The following TRIOBP variants were observed in gnomAD, a reference collection of about 807,000 sequenced individuals.
TRIOBP encodes TRIO and F-actin binding protein, also known as TRIO and F-actin-binding protein.
Under a neutral mutation model 238.8 loss-of-function variants are expected in TRIOBP, and 169 were observed. The observed-to-expected ratio is 0.71, with a 90% CI of 0.62 to 0.80. The LOEUF (loss-of-function observed/expected upper bound fraction) is 0.80, where lower values mean the gene tolerates loss of function less well. TRIOBP is among the 30% of genes least tolerant of loss of function. The probability of loss-of-function intolerance (pLI) is 0.00; values close to 1 mark genes in which losing one functional copy is unlikely to be tolerated. For synonymous variants in TRIOBP, 1,150 were observed against 1,274.4 expected (o/e 0.90, Z 2.08); for missense variants, 2,838 against 3,122.6 (o/e 0.91, Z 2.17).
At chr22:37,738,446 A>G (rs751018387) in intron 9 of TRIOBP, among the ~76,000 whole-genome samples, 196 bp from the exon 10 acceptor site, 6 of 152,126 alleles carry the variant, frequency 3.9e-5, no homozygotes, top group Non-Finnish European at 8.8e-5. Flanking sequence ...TGGGTGATAG[A>G]CAATGGATGA....
chr22:37,758,693 AAG>A (rs1926080150), intron 16 of TRIOBP, among the ~76,000 whole-genome samples: 1 of 74,542 alleles, frequency 1.3e-5, no homozygotes, highest in Non-Finnish European at 2.2e-5. Flanking sequence ...AAAAAAAAAA[AAG>A]AAGAAGAAGA....
At chr22:37,772,469 C>G (rs1409728947) in intron 22 of TRIOBP, 132 bp from the exon 23 acceptor site, 1 of 1,309,950 alleles carries the variant, frequency 7.6e-7, no homozygotes, top group Non-Finnish European at 1.1e-6. Context: ...CCACGGCCAT[C>G]TTGGGGAGCC....
At chr22:37,732,509 C>A (rs1304326794) in intron 7 of TRIOBP, among the ~76,000 whole-genome samples, 357 of 99,832 alleles carry the variant, frequency 3.6e-3, no homozygotes, top group Admixed American at 4.3e-3. Context: ...GACTCCATCT[C>A]AAAAAAAAAA....
chr22:37,719,780 G>A (rs1044823410), intron 6 of TRIOBP, among the ~76,000 whole-genome samples: 4 of 151,844 alleles, frequency 2.6e-5, no homozygotes, highest in Admixed American at 6.6e-5. Flanking sequence ...TTAAATATCT[G>A]ATGCCCCACA....
intron 12 of TRIOBP, among the ~76,000 whole-genome samples, chr22:37,752,471 G>A (rs1260258080): frequency 6.6e-6 from 1 of 152,140 alleles, no homozygotes; most frequent in African/African-American, 2.4e-5. Flanking sequence ...CTGTTCTTTC[G>A]GCTGCCAGGC....
chr22:37,710,771 T>G (rs964496224), intron 4 of TRIOBP, among the ~76,000 whole-genome samples: 8 of 152,272 alleles, frequency 5.3e-5, no homozygotes, highest in African/African-American at 1.7e-4. Context: ...CCACCCTGTT[T>G]GCACTTCAGT....
At chr22:37,767,534 G>A (rs2145880198) in intron 18 of TRIOBP, among the ~76,000 whole-genome samples, 1 of 152,318 alleles carries the variant, frequency 6.6e-6, no homozygotes, top group Admixed American at 6.5e-5. Flanking sequence ...ATAACCCCAT[G>A]GAGGAAAGGT....
rs760320944 is a variant in TRIOBP, at chr22:37,726,453, C to T, written c.3897C>T (p.Thr1299=). 1.3e-6 allele frequency: 2 copies of T among 1,570,406 alleles called. No homozygotes were observed. The highest frequency in any genetic ancestry group is 8.6e-7 in the Non-Finnish European group (1 of 1,162,248). Residue 1299 remains threonine (T), a synonymous_variant, in exon 7 of 24, where the codon ACC becomes ACT. Coordinates refer to ENST00000644935, the MANE Select transcript of TRIOBP (RefSeq NM_001039141.3). ...CGCAGTGCAGCAGCGGGGGCCGCAC[C>T]CACAGCCCTGGCCGTGCAGAGGTGG... ...PQAQCSSGGR[T]HSPGRAEVER... is the part of the protein sequence containing the mutation.
In TRIOBP at chr22:37,723,690, C is replaced by T. The variant is rs753222889; in HGVS notation, c.1134C>T (p.Pro378=). 1 of 1,613,820 alleles carries T rather than the reference C, an allele frequency of 6.2e-7. No homozygotes were observed. Among genetic ancestry groups the T allele is most frequent in the East Asian group, 2.2e-5 (1 of 44,840 alleles). The part of the protein sequence containing the change: ...FPTCTPQREN[P]RTPCVQQDDP... Reference sequence around the variant, plus strand: ...CTTGTACTCCCCAGCGGGAAAACCCCAGGACACCCTGTGTCCAGCAGGACG... The same window carrying T: ...CTTGTACTCCCCAGCGGGAAAACCCTAGGACACCCTGTGTCCAGCAGGACG... The change falls in exon 7 of 24, where the codon CCC becomes CCT. Residue 378 remains proline, a synonymous_variant. Coordinates refer to ENST00000644935, the MANE Select transcript of TRIOBP (RefSeq NM_001039141.3).
In TRIOBP at chr22:37,713,273, C is replaced by A; in HGVS notation, c.318C>A (p.Ser106Arg). Reference sequence around the variant, plus strand: ...CCACAGCTGCCCCCAGGAGCAGGAGCCGGGAGCTTGAGGCAGTACCCTATC... The same window carrying A: ...CCACAGCTGCCCCCAGGAGCAGGAGACGGGAGCTTGAGGCAGTACCCTATC... Reference protein sequence around the residue: ...EGPTAAPRSRSRELEAVPYLE... With the variant: ...EGPTAAPRSRRRELEAVPYLE... Residue 106 changes from serine (S) to arginine (R), a missense_variant, in exon 5 of 24, where the codon AGC (serine) becomes AGA (arginine). This residue lies in a region of TRIOBP where 535 missense variants were observed against 537.3 expected (regional missense o/e 1.00). Transcript: ENST00000644935. The A allele has an allele frequency of 6.2e-7, 1 of 1,613,916 alleles. No individual in the cohort carries two copies. The highest frequency in any genetic ancestry group is 1.1e-5 in the South Asian group (1 of 91,092).
intron 7 of TRIOBP, among the ~76,000 whole-genome samples, chr22:37,726,980 C>T (rs1393610556): frequency 6.6e-6 from 1 of 151,352 alleles, no homozygotes; most frequent in Non-Finnish European, 1.5e-5. Context: ...AATCTCGGCT[C>T]ACTGCAACCT....
chr22:37,766,237 C>A (rs1054961908), intron 18 of TRIOBP, among the ~76,000 whole-genome samples: 6 of 152,372 alleles, frequency 3.9e-5, no homozygotes, highest in African/African-American at 1.2e-4. Flanking sequence ...ATTGTCCATG[C>A]CAGCTGTGTG....
intron 3 of TRIOBP, among the ~76,000 whole-genome samples, 153 bp from the exon 4 acceptor site, chr22:37,710,274 G>A (rs1258772502): frequency 6.6e-6 from 1 of 152,214 alleles, no homozygotes; most frequent in Non-Finnish European, 1.5e-5. Context: ...GAGTCCCAAG[G>A]GGTGCTTCTA....
chr22:37,700,163 C>T (rs1458087530), intron 2 of TRIOBP, among the ~76,000 whole-genome samples: 1 of 152,168 alleles, frequency 6.6e-6, no homozygotes, highest in African/African-American at 2.4e-5. Context: ...AGGCGTGAGC[C>T]ACCGCCCTCG....
At chr22:37,749,430 C>T (rs897362471) in intron 11 of TRIOBP, among the ~76,000 whole-genome samples, 24 of 152,026 alleles carry the variant, frequency 1.6e-4, no homozygotes, top group African/African-American at 2.2e-4. Context: ...GAGTGAGTCC[C>T]GCCAGCCCGA....
Position 37,774,175 on chromosome 22 carries a change from T to TC in TRIOBP, c.*400dup, listed in dbSNP as rs1273370063. On this transcript the variant is annotated 3_prime_UTR_variant, in exon 24 of 24. Coordinates refer to ENST00000644935, the MANE Select transcript of TRIOBP (RefSeq NM_001039141.3). ...GGTGGCTGTGTGCCTCCAACCCTGG[T>TC]CCCCCTCTGTCTCCAGCCACCCTCT... 1 of 149,276 alleles carries TC rather than the reference T, an allele frequency of 6.7e-6. No homozygotes were observed. Among genetic ancestry groups the TC allele is most frequent in the Non-Finnish European group, 1.5e-5 (1 of 67,524 alleles). 9.2% of individuals were successfully genotyped at this position (149,276 alleles called of 1,614,324 possible).
At chr22:37,742,309 CTG>C (rs1220975448) in intron 11 of TRIOBP, among the ~76,000 whole-genome samples, 1 of 146,872 alleles carries the variant, frequency 6.8e-6, no homozygotes, top group Non-Finnish European at 1.5e-5. Context: ...TACCCCCAGA[CTG>C]GAGTGCAGTG....
Position 37,726,209 on chromosome 22 carries a change from T to C in TRIOBP, c.3653T>C (p.Ile1218Thr). 2 of 1,580,252 alleles carry C rather than the reference T, an allele frequency of 1.3e-6. No individual in the cohort carries two copies. Among genetic ancestry groups the C allele is most frequent in the Non-Finnish European group, 1.7e-6 (2 of 1,162,504 alleles). ...GSPVLIPQVC[I>T]GHRDAPRASS... ...CCAGTGCTGATCCCCCAAGTGTGCA[T>C]CGGGCACCGGGATGCACCCCGAGCC... The change falls in exon 7 of 24, where the codon ATC (isoleucine) becomes ACC (threonine). Residue 1218 changes from isoleucine to threonine, a missense_variant. Coordinates refer to ENST00000644935, the MANE Select transcript of TRIOBP (RefSeq NM_001039141.3).
intron 3 of TRIOBP, among the ~76,000 whole-genome samples, chr22:37,709,939 T>C (rs751637527): frequency 1.3e-4 from 20 of 152,148 alleles, no homozygotes; most frequent in Non-Finnish European, 2.8e-4. Flanking sequence ...CCCTCAGACC[T>C]CTCCCTTCTC....
Sources: gnomAD v4.1 joint callset for allele counts (sites outside exome capture counted in the v4.1 genomes callset) on GRCh38, gnomAD v4.1.1 for gene constraint, gnomAD v4.1.1 regional missense constraint, MANE v1.5 for transcripts, NCBI Gene and HGNC (gene_info 2026-07-23, HGNC 2026-07-21) for gene names.